The following PDE4B variants were observed in gnomAD, a reference collection of about 807,000 sequenced individuals.
PDE4B encodes the protein phosphodiesterase 4B.
In PDE4B, 20 loss-of-function variants were observed where a neutral mutation model predicts 82.2. That is an observed-to-expected ratio of 0.24 (90% CI 0.17 to 0.35). The LOEUF is 0.35. Ranked by LOEUF, PDE4B falls within the 10% of genes least tolerant of loss-of-function variation. PDE4B has a pLI of 1.00. For missense variants in PDE4B, 655 were observed against 907.2 expected (o/e 0.72, Z 3.57); for synonymous variants, 320 against 318.9 (o/e 1.00, Z -0.04).
At chr1:66,141,095 A>G (rs761264126) in intron 3 of PDE4B, among the ~76,000 whole-genome samples, 18 of 151,996 alleles carry the variant, frequency 1.2e-4, no homozygotes, top group Non-Finnish European at 2.2e-4. Flanking sequence ...ATGCATTTGT[A>G]TGTGTATGTG....
intron 3 of PDE4B, among the ~76,000 whole-genome samples, chr1:66,135,970 A>G (rs371283423): frequency 2.0e-5 from 3 of 152,184 alleles, no homozygotes; most frequent in African/African-American, 7.2e-5. Flanking sequence ...GTAATCTGGT[A>G]TTGGGTTGAT....
intron 3 of PDE4B, among the ~76,000 whole-genome samples, chr1:65,937,470 A>G (rs1407343332): frequency 6.6e-6 from 1 of 152,198 alleles, no homozygotes; most frequent in African/African-American, 2.4e-5. Flanking sequence ...GCAGATCCTA[A>G]AGCCCTGTTT....
chr1:66,238,945 A>G (rs1170848542), intron 3 of PDE4B, among the ~76,000 whole-genome samples: 1 of 152,242 alleles, frequency 6.6e-6, no homozygotes, highest in Non-Finnish European at 1.5e-5. Flanking sequence ...GGTTTCAAAC[A>G]TATATCTAGA....
intron 1 of PDE4B, among the ~76,000 whole-genome samples, chr1:65,839,065 C>A (rs139007862): frequency 6.6e-6 from 1 of 151,864 alleles, no homozygotes; most frequent in African/African-American, 2.4e-5. Flanking sequence ...TGTAAGATAT[C>A]GAATTTTTGC....
At chr1:66,354,822 A>G in intron 8 of PDE4B, 1 of 1,535,376 alleles carries the variant, frequency 6.5e-7, no homozygotes, top group African/African-American at 1.4e-5. Flanking sequence ...GGATTTGTGG[A>G]TTGTGGCAAG....
chr1:66,355,569 A>G lies in PDE4B; in HGVS notation c.790A>G (p.Met264Val), dbSNP rs758874556. ...CCGGGAGCTGACACACCTCTCAGAG[A>G]TGAGCCGATCAGGGAACCAGGTGTC... is the stretch of plus-strand genomic sequence containing the variant. ...LNRELTHLSE[M>V]SRSGNQVSEY... is the part of the protein sequence containing the mutation. The change falls in exon 9 of 17, where the codon ATG becomes GTG. Residue 264 changes from methionine (M) to valine (V), a missense_variant. Met to Val is a conservative substitution (Grantham distance 21). Coordinates refer to ENST00000341517, the MANE Select transcript of PDE4B (RefSeq NM_002600.4). 1 of 1,613,134 alleles carries G rather than the reference A, an allele frequency of 6.2e-7. No individual in the cohort carries two copies. Among genetic ancestry groups the G allele is most frequent in the Non-Finnish European group, 8.5e-7 (1 of 1,179,238 alleles).
intron 1 of PDE4B, among the ~76,000 whole-genome samples, chr1:65,899,529 T>G (rs186273436): frequency 2.7e-4 from 41 of 151,672 alleles, no homozygotes; most frequent in African/African-American, 8.0e-4. Flanking sequence ...CATGCATGTT[T>G]ATAGCTGCAC....
chr1:65,858,435 C>T (rs6588168), intron 1 of PDE4B, among the ~76,000 whole-genome samples: 80,282 of 151,950 alleles, frequency 0.53, 21,423 homozygotes, highest in Non-Finnish European at 0.57. Context: ...TTTAAACAGC[C>T]GTGATGGCTA....
chr1:66,113,028 G>T (rs1158906889), intron 3 of PDE4B, among the ~76,000 whole-genome samples: 1 of 152,196 alleles, frequency 6.6e-6, no homozygotes, highest in Non-Finnish European at 1.5e-5. Flanking sequence ...CTCTCTTGGT[G>T]TAGAGTTTTT....
chr1:66,307,464 C>T (rs1455171360), intron 7 of PDE4B, among the ~76,000 whole-genome samples: 1 of 152,180 alleles, frequency 6.6e-6, no homozygotes, highest in African/African-American at 2.4e-5. Flanking sequence ...CTCCACAGCA[C>T]AAAGTGGTGA....
intron 3 of PDE4B, among the ~76,000 whole-genome samples, chr1:66,183,009 A>G (rs988521539): frequency 6.6e-6 from 1 of 152,252 alleles, no homozygotes; most frequent in African/African-American, 2.4e-5. Flanking sequence ...CTCAGATATC[A>G]TAACCTGTAT....
chr1:66,190,521 GC>G lies in PDE4B; in HGVS notation c.282-56937del, dbSNP rs1397707667. ...CCAGCCACTTTGTTTACCTACTCAA[GC>G]CTTGGCAATGGCGGGCACCCCTCCC... On this transcript the variant is annotated intron_variant, in intron 3 of 16. Transcript: ENST00000341517. 7.2e-5 allele frequency among the ~76,000 whole-genome samples: 11 copies of G among 152,286 alleles called. No individual in the cohort carries two copies. In the East Asian group the frequency reaches 2.1e-3, roughly 29 times the overall value.
chr1:66,017,379 TA>T (rs1652838950), intron 3 of PDE4B, among the ~76,000 whole-genome samples: 2 of 152,174 alleles, frequency 1.3e-5, no homozygotes, highest in Admixed American at 1.3e-4. Flanking sequence ...GTTTAAAAAT[TA>T]AAAAAGCTAC....
chr1:66,079,079 G>T (rs1230988755), intron 3 of PDE4B, among the ~76,000 whole-genome samples: 1 of 151,640 alleles, frequency 6.6e-6, no homozygotes, highest in East Asian at 1.9e-4. Context: ...AGTGTATATT[G>T]ATTCTCTTAA....
chr1:65,796,089 T>A (rs1450404969), intron 1 of PDE4B, among the ~76,000 whole-genome samples: 2 of 152,236 alleles, frequency 1.3e-5, no homozygotes, highest in African/African-American at 2.4e-5. Context: ...TGTTGTTGTT[T>A]GAATTGACGT....
At chr1:66,132,849 A>G (rs1171920896) in intron 3 of PDE4B, among the ~76,000 whole-genome samples, 1 of 152,214 alleles carries the variant, frequency 6.6e-6, no homozygotes, top group African/African-American at 2.4e-5. Flanking sequence ...GGCTTTAGCA[A>G]TGATTCAAGA....
chr1:65,968,649 T>C (rs1649977414), intron 3 of PDE4B, among the ~76,000 whole-genome samples: 1 of 152,176 alleles, frequency 6.6e-6, no homozygotes, highest in Admixed American at 6.5e-5. Context: ...TCCTTGTGAA[T>C]TGTTGTAATG....
intron 1 of PDE4B, among the ~76,000 whole-genome samples, chr1:65,883,141 T>A (rs577554742): frequency 4.6e-5 from 7 of 152,350 alleles, no homozygotes; most frequent in Non-Finnish European, 8.8e-5. Flanking sequence ...AAATGCGGGC[T>A]CTTTTTTGGT....
At chr1:66,170,608 C>G (rs1193772875) in intron 3 of PDE4B, among the ~76,000 whole-genome samples, 3 of 152,052 alleles carry the variant, frequency 2.0e-5, no homozygotes, top group Admixed American at 1.3e-4. Flanking sequence ...TCTAACTACT[C>G]CTAGATATAT....
Sources: allele counts gnomAD v4.1 joint callset (sites outside exome capture counted in the v4.1 genomes callset), GRCh38; gene constraint gnomAD v4.1.1; transcripts MANE v1.5; gene names NCBI Gene and HGNC (gene_info 2026-07-23, HGNC 2026-07-21).